The following GEMIN5 variants were observed in gnomAD, a reference collection of about 807,000 sequenced individuals.
GEMIN5 encodes gem nuclear organelle associated protein 5.
Under a neutral mutation model 176.9 loss-of-function variants are expected in GEMIN5, and 124 were observed. The ratio of observed to expected loss-of-function variants is 0.70; its 90% confidence interval spans 0.61 to 0.81. The LOEUF is 0.81. GEMIN5 is among the 40% of genes least tolerant of loss of function. The pLI, the probability that GEMIN5 is intolerant of heterozygous loss-of-function variation, is 0.00. For missense variants in GEMIN5, 1,843 were observed against 1,814.6 expected, an observed-to-expected ratio of 1.02 and a Z score of -0.28; for synonymous variants, 673 against 665.2, an observed-to-expected ratio of 1.01 and a Z score of -0.18.
Position 154,891,574 on chromosome 5 carries a change from A to G in GEMIN5, c.3929T>C (p.Leu1310Pro), listed in dbSNP as rs767197359. 1.9e-6 allele frequency: 3 copies of G among 1,614,100 alleles called. No individual in the cohort carries two copies. Among genetic ancestry groups the G allele is most frequent in the Non-Finnish European group, 2.5e-6 (3 of 1,180,018 alleles). The change falls in exon 26 of 28, where the codon CTC becomes CCC. Residue 1310 changes from leucine (L) to proline (P), a missense_variant. Leu to Pro is a moderately conservative substitution (Grantham distance 98, BLOSUM62 -3). Transcript: ENST00000285873. ...SVWVRAGHRT[L>P]SVEPSQQLDT... ...TAACTGCTGGCTTGGCTCAACAGAGAGTGTTCTGTGACCAGCCCTTACCCA... is the reference window on the plus strand; with the variant it reads ...TAACTGCTGGCTTGGCTCAACAGAGGGTGTTCTGTGACCAGCCCTTACCCA...
At chr5:154,888,855 T>TG (rs1554100469) in intron 27 of GEMIN5, among the ~76,000 whole-genome samples, 5 of 148,756 alleles carry the variant, frequency 3.4e-5, no homozygotes, top group South Asian at 2.1e-4. Flanking sequence ...AAATTCTTTT[T>TG]TTTTGTTTTG....
chr5:154,904,590 G>C lies in GEMIN5; in HGVS notation c.2549C>G (p.Pro850Arg). 6.2e-7 allele frequency: 1 copy of C among 1,611,790 alleles called. No homozygotes were observed. The highest frequency in any genetic ancestry group is 8.5e-7 in the Non-Finnish European group (1 of 1,177,958). The change falls in exon 18 of 28, where the codon CCC becomes CGC. Residue 850 changes from proline to arginine, a missense_variant. By Grantham distance (103) the Pro-to-Arg change is moderately radical. Transcript: ENST00000285873. ...IKKRKARSLL[P>R]LSTSLDHRSK... ...TCTGTGGTCCAGGCTTGTACTCAGGGGAAGCAAGGAACGAGCTTTTCTCTT... is the reference window on the plus strand; with the variant it reads ...TCTGTGGTCCAGGCTTGTACTCAGGCGAAGCAAGGAACGAGCTTTTCTCTT...
chr5:154,907,928 C>G, intron 15 of GEMIN5, 110 bp from the exon 16 acceptor site: 1 of 728,684 alleles, frequency 1.4e-6, no homozygotes. Flanking sequence ...TTTACCCATT[C>G]CCTTTCTTCT....
intron 10 of GEMIN5, 126 bp downstream of exon 10, chr5:154,921,217 C>T: frequency 1.6e-6 from 1 of 628,644 alleles, no homozygotes; most frequent in Non-Finnish European, 2.8e-6. Flanking sequence ...CCCCTGGGGA[C>T]ATAAGTAGCC....
At chr5:154,907,324 G>A (rs1561716075) in intron 16 of GEMIN5, among the ~76,000 whole-genome samples, 3 of 152,004 alleles carry the variant, frequency 2.0e-5, no homozygotes, top group African/African-American at 4.8e-5. Flanking sequence ...GCTTCGCTTC[G>A]TCCCACGGTT....
chr5:154,918,096 A>G, intron 11 of GEMIN5, 92 bp from the exon 12 acceptor site: 1 of 768,486 alleles, frequency 1.3e-6, no homozygotes, highest in South Asian at 1.5e-5. Flanking sequence ...GAGTTTAAAA[A>G]CGTTTTAATT....
intron 13 of GEMIN5, among the ~76,000 whole-genome samples, chr5:154,914,099 C>A (rs1022265522): frequency 3.9e-5 from 6 of 152,062 alleles, no homozygotes; most frequent in African/African-American, 1.2e-4. Context: ...CGGCTCAATG[C>A]AACCTCTGCC....
At chr5:154,895,320 CCCAGTCT>C (rs1258490867) in intron 24 of GEMIN5, among the ~76,000 whole-genome samples, 4 of 146,606 alleles carry the variant, frequency 2.7e-5, no homozygotes, top group Non-Finnish European at 6.0e-5. Flanking sequence ...AACAGTGAGA[CCCAGTCT>C]CCAGAAAGGA....
At position 154,935,867 on chromosome 5, in the gene GEMIN5, A is replaced by G. The variant is rs1332782707; in HGVS notation, c.483T>C (p.Pro161=). 6.2e-7 allele frequency: 1 copy of G among 1,613,328 alleles called. No individual in the cohort carries two copies. Among genetic ancestry groups the G allele is most frequent in the Admixed American group, 1.7e-5 (1 of 60,000 alleles). Residue 161 remains proline (P), a synonymous_variant, in exon 3 of 28, where the codon CCT becomes CCC. Coordinates refer to ENST00000285873, the MANE Select transcript of GEMIN5 (RefSeq NM_015465.5). ...PRTIFCLTCS[P]HHEDLVAIGY... is the part of the protein sequence containing the mutation. ...CAATGGCTACTAAATCTTCATGATG[A>G]GGTGAACAAGTAAGACAGAAAATTG...
At chr5:154,900,010 C>A (rs1009601252) in intron 21 of GEMIN5, among the ~76,000 whole-genome samples, 21 of 150,708 alleles carry the variant, frequency 1.4e-4, no homozygotes, top group Non-Finnish European at 2.7e-4. Flanking sequence ...CAAAAATGAA[C>A]AAAGTAGGCC....
intron 21 of GEMIN5, among the ~76,000 whole-genome samples, chr5:154,900,792 AC>A (rs1293146513): frequency 6.6e-6 from 1 of 152,200 alleles, no homozygotes; most frequent in Non-Finnish European, 1.5e-5. Context: ...TGTAAGCTGA[AC>A]AATTCCCAGA....
At chr5:154,927,595 G>C in intron 6 of GEMIN5, 45 bp from the exon 7 acceptor site, 1 of 1,405,488 alleles carries the variant, frequency 7.1e-7, no homozygotes, top group African/African-American at 1.4e-5. Context: ...CAAACGATCT[G>C]AAAACAAGTG....
rs200632097 is a variant in GEMIN5 at position 154,892,426 on chromosome 5, T to G, written c.3721A>C (p.Thr1241Pro). 11 of 1,614,010 alleles carry G rather than the reference T, an allele frequency of 6.8e-6. No individual in the cohort carries two copies. In the Admixed American group the frequency reaches 1.2e-4, roughly 17 times the overall value. The change falls in exon 25 of 28, where the codon ACC becomes CCC. Residue 1241 changes from threonine to proline, a missense_variant. Coordinates refer to ENST00000285873, the MANE Select transcript of GEMIN5 (RefSeq NM_015465.5). Reference protein sequence around the residue: ...VVRSYDSGSFTIMQEVYSAFL... With the variant: ...VVRSYDSGSFPIMQEVYSAFL... ...GCTGAGTACACTTCCTGCATGATGGTGAAGCTCCCTGAGTCATAGCTCCGG... is the reference window on the plus strand; with the variant it reads ...GCTGAGTACACTTCCTGCATGATGGGGAAGCTCCCTGAGTCATAGCTCCGG...
intron 12 of GEMIN5, among the ~76,000 whole-genome samples, chr5:154,917,571 T>G (rs348736): frequency 0.96 from 146,093 of 152,242 alleles, 70,155 homozygotes; most frequent in South Asian, 0.99. Context: ...GGCTGAATTA[T>G]GACTGTGTTA....
chr5:154,912,818 T>TCCCCCA (rs1353955039), intron 14 of GEMIN5, 81 bp downstream of exon 14: 2 of 1,214,888 alleles, frequency 1.6e-6, no homozygotes, highest in Non-Finnish European at 2.3e-6. Flanking sequence ...AGGGGGAACC[T>TCCCCCA]GTTCACAACT....
At chr5:154,895,980 C>A (rs1053426644) in intron 24 of GEMIN5, 112 bp downstream of exon 24, 29 of 1,309,202 alleles carry the variant, frequency 2.2e-5, no homozygotes, top group Non-Finnish European at 2.7e-5. Flanking sequence ...ATGCCTTAGC[C>A]TTTTCTGAAA....
At chr5:154,894,523 C>T (rs191945482) in intron 24 of GEMIN5, among the ~76,000 whole-genome samples, 2 of 152,086 alleles carry the variant, frequency 1.3e-5, no homozygotes, top group African/African-American at 4.8e-5. Flanking sequence ...GTAATCACAG[C>T]ACTTTGGGAG....
At chr5:154,892,279 T>C (rs1453393032) in intron 25 of GEMIN5, 108 bp downstream of exon 25, 6 of 866,056 alleles carry the variant, frequency 6.9e-6, no homozygotes, top group African/African-American at 3.4e-5. Flanking sequence ...ATGACACAGC[T>C]GGCCAATCTC....
intron 16 of GEMIN5, 44 bp from the exon 17 acceptor site, chr5:154,905,520 A>G (rs369111911): frequency 3.4e-6 from 3 of 879,666 alleles, no homozygotes; most frequent in Non-Finnish European, 5.4e-6. Flanking sequence ...AAGGATAACA[A>G]TAATACAGAA....
Sources: allele counts gnomAD v4.1 joint callset (sites outside exome capture counted in the v4.1 genomes callset), GRCh38; gene constraint gnomAD v4.1.1; transcripts MANE v1.5; gene names NCBI Gene and HGNC (gene_info 2026-07-23, HGNC 2026-07-21).